C10orf90: variants seen among roughly 807,000 people sequenced by gnomAD.
The protein encoded by C10orf90 is (E2-independent) E3 ubiquitin-conjugating enzyme FATS.
C10orf90 carries 56 observed loss-of-function variants against 62.5 expected under a neutral mutation model. The ratio of observed to expected loss-of-function variants is 0.90; its 90% CI spans 0.72 to 1.12. The LOEUF (loss-of-function observed/expected upper bound fraction) is 1.12, where lower values mean the gene tolerates loss of function less well. Among genes scored for constraint, C10orf90 ranks in the 50% most tolerant of loss-of-function variants. The pLI is 0.00. For synonymous variants in C10orf90, 386 were observed against 340.4 expected, an observed-to-expected ratio of 1.13 and a Z score of -1.47; for missense variants, 970 against 880.4, an observed-to-expected ratio of 1.10 and a Z score of -1.29.
intron 2 of C10orf90, among the ~76,000 whole-genome samples, chr10:126,553,211 G>A (rs1209434712): frequency 6.6e-6 from 1 of 151,958 alleles, no homozygotes; most frequent in African/African-American, 2.4e-5. Context: ...GATACCATAA[G>A]ATAATGAAAA....
intron 2 of C10orf90, among the ~76,000 whole-genome samples, chr10:126,514,636 T>C (rs1238562983): frequency 1.3e-5 from 2 of 152,188 alleles, no homozygotes; most frequent in Admixed American, 1.3e-4. Flanking sequence ...GAATTCCTCA[T>C]CCACCACACC....
chr10:126,554,047 C>A (rs562755334), intron 2 of C10orf90, among the ~76,000 whole-genome samples: 1 of 152,044 alleles, frequency 6.6e-6, no homozygotes, highest in Non-Finnish European at 1.5e-5. Context: ...ACATGTCCAC[C>A]GAAGACAGAC....
At chr10:126,483,236 G>A (rs956190857) in intron 4 of C10orf90, among the ~76,000 whole-genome samples, 1 of 152,238 alleles carries the variant, frequency 6.6e-6, no homozygotes, top group Non-Finnish European at 1.5e-5. Context: ...CTTCGCAGGT[G>A]AGCCTAAGTG....
chr10:126,655,834 C>CA lies in C10orf90; in HGVS notation c.241-9198dup, dbSNP rs1195360598. Among the ~76,000 whole-genome samples the CA allele has an allele frequency of 9.0e-3, 1,139 of 126,494 alleles. 21 individuals carry two copies. The highest frequency in any genetic ancestry group is 0.026 in the African/African-American group (944 of 36,346). 83.0% of individuals were successfully genotyped at this position (126,494 alleles called of 152,430 possible). ...TCAAAGCAACAGAGACAAAACAAAA[C>CA]AAAACAAAAAAAAAAAAGAAGAAGA... On this transcript the variant is annotated intron_variant, in intron 1 of 9. Transcript: ENST00000488181.
chr10:126,647,004 A>G (rs1273813009), intron 1 of C10orf90, among the ~76,000 whole-genome samples: 1 of 152,208 alleles, frequency 6.6e-6, no homozygotes, highest in Admixed American at 6.5e-5. Context: ...GAAGCTAGAC[A>G]TTCAATAAAT....
chr10:126,458,734 T>A (rs1180423101), intron 7 of C10orf90, among the ~76,000 whole-genome samples: 1 of 152,196 alleles, frequency 6.6e-6, no homozygotes, highest in Non-Finnish European at 1.5e-5. Context: ...CAAATATCTA[T>A]TAGGAGCCAA....
rs148325735 is a variant in C10orf90 at position 126,599,495 on chromosome 10, G to T, written c.313+47070C>A. Among the ~76,000 whole-genome samples, 778 of 151,852 alleles carry T rather than the reference G, an allele frequency of 5.1e-3. 7 individuals are homozygous for T. Among genetic ancestry groups the T allele is most frequent in the African/African-American group, 0.017 (710 of 41,406 alleles). ...ATTCCACTCTTAAAGACAAGGCTGG[G>T]ATCAGCTCCAGGAGCCATTCAATTG... is the stretch of plus-strand genomic sequence containing the variant. On this transcript the variant is annotated intron_variant, in intron 2 of 9. Transcript: ENST00000488181.
intron 1 of C10orf90, among the ~76,000 whole-genome samples, chr10:126,659,163 C>G (rs1456284679): frequency 2.0e-5 from 3 of 152,224 alleles, no homozygotes; most frequent in Non-Finnish European, 4.4e-5. Context: ...AGCCAAGTCC[C>G]TTTCACACAG....
In C10orf90 at chr10:126,503,957, C is replaced by A. The variant is rs752124241; in HGVS notation, c.1534G>T (p.Val512Leu). The A allele has an allele frequency of 6.8e-6, 11 of 1,607,812 alleles. No individual in the cohort carries two copies. Among genetic ancestry groups the A allele is most frequent in the Admixed American group, 3.3e-5 (2 of 59,808 alleles). Reference sequence around the variant, plus strand: ...TCCTGCAGATGGACGCACCACTCACCTGCCCTGTAACTCCAGCCAGGAATG... The same window carrying A: ...TCCTGCAGATGGACGCACCACTCACATGCCCTGTAACTCCAGCCAGGAATG... ...IHIPGWSYRA[V>L]HTKVFSGSSK... is the part of the protein sequence containing the mutation. The change falls in exon 4 of 10, where the codon GTA (valine) becomes TTA (leucine). Residue 512 changes from valine (V) to leucine (L), a missense_variant and splice_region_variant. Val to Leu is a conservative substitution (Grantham distance 32). Transcript: ENST00000488181.
chr10:126,447,887 TC>T (rs1479458415), intron 7 of C10orf90, among the ~76,000 whole-genome samples: 1 of 152,070 alleles, frequency 6.6e-6, no homozygotes, highest in African/African-American at 2.4e-5. Flanking sequence ...TTGCTCTGTT[TC>T]CGGGTTGGAG....
intron 1 of C10orf90, among the ~76,000 whole-genome samples, chr10:126,660,207 G>T (rs988945178): frequency 3.9e-5 from 6 of 152,294 alleles, no homozygotes; most frequent in African/African-American, 1.4e-4. Flanking sequence ...AATATGACGG[G>T]CTATCATATC....
At chr10:126,575,607 C>T (rs1844593544) in intron 2 of C10orf90, among the ~76,000 whole-genome samples, 2 of 151,882 alleles carry the variant, frequency 1.3e-5, no homozygotes, top group South Asian at 4.2e-4. Context: ...ACAAAGGATT[C>T]TGAATAGCCA....
intron 2 of C10orf90, among the ~76,000 whole-genome samples, chr10:126,523,892 G>A (rs529971347): frequency 6.6e-6 from 1 of 152,280 alleles, no homozygotes; most frequent in Admixed American, 6.5e-5. Flanking sequence ...GTTGTAGCAT[G>A]TGTCAGAATT....
intron 2 of C10orf90, among the ~76,000 whole-genome samples, chr10:126,543,886 C>T (rs905399270): frequency 2.6e-5 from 4 of 152,106 alleles, no homozygotes; most frequent in African/African-American, 4.8e-5. Context: ...ACTGCTGACT[C>T]GAGCTTCAAG....
chr10:126,502,260 A>G (rs1862450348), intron 4 of C10orf90, among the ~76,000 whole-genome samples: 1 of 152,214 alleles, frequency 6.6e-6, no homozygotes, highest in Non-Finnish European at 1.5e-5. Context: ...CTGAAATTGT[A>G]AAAAAGGTAT....
At position 126,504,395 on chromosome 10, in the gene C10orf90, T is replaced by C. The variant is rs1267532971; in HGVS notation, c.1096A>G (p.Lys366Glu). The change falls in exon 4 of 10, where the codon AAG (lysine) becomes GAG (glutamate). Residue 366 changes from lysine (K) to glutamate (E), a missense_variant. Physicochemically the swap from Lys to Glu is moderately conservative, Grantham distance 56. Coordinates refer to ENST00000488181, the MANE Select transcript of C10orf90 (RefSeq NM_001350921.2). This position sits in a 1 kb window ranked among gnomAD's most constrained non-coding sequence, Gnocchi z 4.1. ...QCPDSIYYVD[K>E]SLSVPIEPPQ... is the part of the protein sequence containing the mutation. ...GGCTCAATGGGGACGGAGAGAGACT[T>C]GTCTACGTAATAGATTGAATCTGGA... The C allele has an allele frequency of 1.9e-6, 3 of 1,614,200 alleles. No individual in the cohort carries two copies. Among genetic ancestry groups the C allele is most frequent in the Non-Finnish European group, 2.5e-6 (3 of 1,180,042 alleles).
intron 4 of C10orf90, among the ~76,000 whole-genome samples, chr10:126,485,338 G>A (rs1590988777): frequency 6.6e-6 from 1 of 152,108 alleles, no homozygotes; most frequent in East Asian, 1.9e-4. Flanking sequence ...TCATGTCTAT[G>A]GCACTGTGTT....
intron 2 of C10orf90, among the ~76,000 whole-genome samples, chr10:126,562,170 AG>A (rs1201336400): frequency 6.6e-6 from 1 of 152,160 alleles, no homozygotes; most frequent in Non-Finnish European, 1.5e-5. Context: ...CATGGCCCAG[AG>A]GGTCCCTAAT....
chr10:126,519,413 T>A (rs1195965765), intron 2 of C10orf90, among the ~76,000 whole-genome samples: 1 of 152,154 alleles, frequency 6.6e-6, no homozygotes, highest in Non-Finnish European at 1.5e-5. Context: ...CATGAATCGA[T>A]CCACCCAAGA....
Sources: allele counts gnomAD v4.1 joint callset (sites outside exome capture counted in the v4.1 genomes callset), GRCh38; gene constraint gnomAD v4.1.1; non-coding constraint Gnocchi (gnomAD v3.1); transcripts MANE v1.5; gene names NCBI Gene and HGNC (gene_info 2026-07-23, HGNC 2026-07-21).